The following SEMA6D variants were observed in gnomAD, a reference collection of about 807,000 sequenced individuals.
The protein encoded by SEMA6D is semaphorin-6D.
SEMA6D carries 35 observed loss-of-function variants against 106.6 expected under a neutral mutation model. That is an observed-to-expected ratio of 0.33 (90% CI 0.25 to 0.44). SEMA6D has a LOEUF of 0.44. SEMA6D is among the 20% of genes least tolerant of loss of function. The pLI, the probability that SEMA6D is intolerant of heterozygous loss-of-function variation, is 1.00. For synonymous variants in SEMA6D, 499 were observed against 487.7 expected (o/e 1.02, Z -0.31); for missense variants, 1,185 against 1,345.9 (o/e 0.88, Z 1.87).
chr15:47,709,205 G>A lies in SEMA6D; in HGVS notation c.-54-50540G>A, dbSNP rs533751288. Among the ~76,000 whole-genome samples the A allele has an allele frequency of 1.8e-4, 28 of 152,198 alleles. No individual in the cohort carries two copies. In the South Asian group the frequency reaches 5.8e-3, roughly 32 times the overall value. ...AGTCCCTTGACTGAAGGACACAGCT[G>A]CTGCAAGTGGGTCCTCTCTACAGTC... On this transcript the variant is annotated intron_variant, in intron 4 of 19. Transcript: ENST00000558014.
intron 1 of SEMA6D, among the ~76,000 whole-genome samples, chr15:47,323,985 CAA>C (rs11299568): frequency 0.012 from 1,690 of 142,994 alleles, 24 homozygotes; most frequent in African/African-American, 0.035. Context: ...ATACAAGTGG[CAA>C]AAAAAAAAAA....
chr15:47,629,973 C>T (rs114065368), intron 4 of SEMA6D, among the ~76,000 whole-genome samples: 1,934 of 151,936 alleles, frequency 0.013, 43 homozygotes, highest in African/African-American at 0.044. Flanking sequence ...AGGTTAATTC[C>T]GTATCTTTGT....
chr15:47,448,313 C>T (rs2042088355), intron 2 of SEMA6D, among the ~76,000 whole-genome samples: 1 of 152,116 alleles, frequency 6.6e-6, no homozygotes, highest in Non-Finnish European at 1.5e-5. Flanking sequence ...GAAAAATAAT[C>T]TCAGTATGAC....
intron 1 of SEMA6D, chr15:47,730,783 G>T: frequency 6.3e-7 from 1 of 1,594,666 alleles, no homozygotes; most frequent in Non-Finnish European, 8.5e-7. Flanking sequence ...CACAAAGCGG[G>T]TGAGGTCTCT....
intron 3 of SEMA6D, among the ~76,000 whole-genome samples, chr15:47,542,876 T>G (rs1407480881): frequency 6.6e-6 from 1 of 152,138 alleles, no homozygotes; most frequent in African/African-American, 2.4e-5. Flanking sequence ...CAGATGCTCT[T>G]CCTAGCAATG....
chr15:47,759,471 T>C (rs1466830470), intron 1 of SEMA6D, among the ~76,000 whole-genome samples: 4 of 152,202 alleles, frequency 2.6e-5, no homozygotes, highest in Admixed American at 2.6e-4. Context: ...CTGCTCATGG[T>C]TCTGGTGGCT....
At chr15:47,579,775 C>T (rs891166782) in intron 3 of SEMA6D, among the ~76,000 whole-genome samples, 7 of 152,112 alleles carry the variant, frequency 4.6e-5, no homozygotes, top group African/African-American at 1.7e-4. Flanking sequence ...ATATATGGTA[C>T]TCACCATGTA....
At chr15:47,203,050 C>A (rs1401173304) in intron 1 of SEMA6D, among the ~76,000 whole-genome samples, 1 of 152,070 alleles carries the variant, frequency 6.6e-6, no homozygotes, top group African/African-American at 2.4e-5. Context: ...AAGTTATTTT[C>A]AAAAGGAGTC....
intron 4 of SEMA6D, among the ~76,000 whole-genome samples, chr15:47,632,488 A>G (rs886502728): frequency 1.3e-5 from 2 of 148,888 alleles, no homozygotes; most frequent in Admixed American, 6.8e-5. Context: ...ATATGTACAC[A>G]TTTATAATCA....
chr15:47,374,292 G>T (rs1324208992), intron 1 of SEMA6D, among the ~76,000 whole-genome samples: 14 of 152,290 alleles, frequency 9.2e-5, no homozygotes, highest in African/African-American at 3.1e-4. Flanking sequence ...GTTGCAGGGG[G>T]TGGTAAAGAG....
intron 4 of SEMA6D, among the ~76,000 whole-genome samples, chr15:47,605,850 C>T (rs1286489862): frequency 1.3e-5 from 2 of 152,196 alleles, no homozygotes; most frequent in African/African-American, 4.8e-5. Context: ...AGAAGCTCTT[C>T]TAAACCTCCA....
In SEMA6D at chr15:47,760,300, G is replaced by A; in HGVS notation, c.110-4G>A. The A allele has an allele frequency of 3.7e-6, 6 of 1,608,124 alleles. No individual in the cohort carries two copies. Among genetic ancestry groups the A allele is most frequent in the Non-Finnish European group, 5.1e-6 (6 of 1,175,086 alleles). On this transcript the variant is annotated splice_polypyrimidine_tract_variant and splice_region_variant and intron_variant, in intron 2 of 18. Transcript: ENST00000536845. ...ATGATGGTTTAGCCCATTTTTACTTGCAGATTCAAGGCAATATCCGGTTTT... is the reference window on the plus strand; with the variant it reads ...ATGATGGTTTAGCCCATTTTTACTTACAGATTCAAGGCAATATCCGGTTTT...
chr15:47,202,795 T>G (rs1378787316), intron 1 of SEMA6D, among the ~76,000 whole-genome samples: 5 of 152,136 alleles, frequency 3.3e-5, no homozygotes, highest in Admixed American at 3.3e-4. Flanking sequence ...AGGCAAGAAT[T>G]GAGGTTGCTT....
intron 3 of SEMA6D, among the ~76,000 whole-genome samples, chr15:47,507,842 C>T (rs377706559): frequency 1.3e-5 from 2 of 152,170 alleles, no homozygotes; most frequent in South Asian, 2.1e-4. Flanking sequence ...CCATTTCGGG[C>T]CCCTGCATAT....
intron 3 of SEMA6D, among the ~76,000 whole-genome samples, chr15:47,565,434 C>T (rs923921779): frequency 6.6e-6 from 1 of 152,242 alleles, no homozygotes; most frequent in Admixed American, 6.5e-5. Context: ...CTCACACACT[C>T]CCTCCCGTGA....
chr15:47,425,648 C>T (rs749688219), intron 2 of SEMA6D, among the ~76,000 whole-genome samples: 6 of 151,586 alleles, frequency 4.0e-5, no homozygotes, highest in Non-Finnish European at 5.9e-5. Flanking sequence ...TTTCACTGTG[C>T]CTAAATGGTA....
intron 3 of SEMA6D, among the ~76,000 whole-genome samples, chr15:47,499,837 G>A (rs1289406879): frequency 6.6e-6 from 1 of 151,886 alleles, no homozygotes; most frequent in Non-Finnish European, 1.5e-5. Flanking sequence ...GCTCACAGAT[G>A]GTGGTGTGAC....
intron 3 of SEMA6D, among the ~76,000 whole-genome samples, chr15:47,549,850 C>G (rs935451524): frequency 2.0e-5 from 3 of 152,102 alleles, no homozygotes; most frequent in African/African-American, 7.2e-5. Flanking sequence ...TTTTTCACTA[C>G]AGCCCTAAGC....
intron 4 of SEMA6D, among the ~76,000 whole-genome samples, chr15:47,683,528 C>G (rs534035128): frequency 4.6e-5 from 7 of 152,234 alleles, no homozygotes; most frequent in African/African-American, 1.7e-4. Flanking sequence ...ATTATAAACT[C>G]TGTACATGGA....
Sources: gnomAD v4.1 joint callset for allele counts (sites outside exome capture counted in the v4.1 genomes callset) on GRCh38, gnomAD v4.1.1 for gene constraint, MANE v1.5 for transcripts, NCBI Gene and HGNC (gene_info 2026-07-23, HGNC 2026-07-21) for gene names.